Variants in KERA observed in about 807,000 individuals in gnomAD.
The protein encoded by KERA is keratocan.
KERA carries 25 observed loss-of-function variants against 26.4 expected under a neutral mutation model. The observed-to-expected ratio is 0.95, with a 90% confidence interval of 0.69 to 1.32. The LOEUF (loss-of-function observed/expected upper bound fraction) is 1.32. KERA is among the 40% of genes most tolerant of loss of function. The probability of loss-of-function intolerance (pLI) is 0.00; values close to 1 mark genes in which losing one functional copy is unlikely to be tolerated. For synonymous variants in KERA, 167 were observed against 146.1 expected (o/e 1.14, Z -1.03); for missense variants, 434 against 408.9 (o/e 1.06, Z -0.53).
At chr12:91,053,390 G>T (rs1249948938) in intron 2 of KERA, among the ~76,000 whole-genome samples, 2 of 151,210 alleles carry the variant, frequency 1.3e-5, no homozygotes, top group African/African-American at 4.8e-5. Context: ...TCAGACTCAG[G>T]TTCTGGCTAT....
At position 91,056,180 on chromosome 12, in the gene KERA, A is replaced by C. The variant is rs370775164; in HGVS notation, c.102T>G (p.Asp34Glu). 6.2e-7 allele frequency: 1 copy of C among 1,610,260 alleles called. No homozygotes were observed. Among genetic ancestry groups the C allele is most frequent in the Non-Finnish European group, 8.5e-7 (1 of 1,177,650 alleles). Residue 34 changes from aspartate (D) to glutamate (E), a missense_variant, in exon 2 of 3, where the codon GAT becomes GAG. Transcript: ENST00000266719. Reference sequence around the variant, plus strand: ...GACACTCGAAGTCATGAATAGTCCAATCATCTGAATCATGTACTTCATAGA... The same window carrying C: ...GACACTCGAAGTCATGAATAGTCCACTCATCTGAATCATGTACTTCATAGA... ...RQVYEVHDSD[D>E]WTIHDFECPM... is the part of the protein sequence containing the mutation.
At position 91,055,414 on chromosome 12, in the gene KERA, C is replaced by G; in HGVS notation, c.868G>C (p.Asp290His). ...TACTTACTTTTAATTTTGTTATGATCAAGGTGAAGGTGCTGCAGATGAGCA... is the reference window on the plus strand; with the variant it reads ...TACTTACTTTTAATTTTGTTATGATGAAGGTGAAGGTGCTGCAGATGAGCA... The part of the protein sequence containing the change: ...ISAHLQHLHL[D>H]HNKIKSVNVS... The change falls in exon 2 of 3, where the codon GAT (aspartate) becomes CAT (histidine). Residue 290 changes from aspartate (D) to histidine (H), a missense_variant. Asp to His is a moderately conservative substitution (Grantham distance 81, BLOSUM62 -1). Transcript: ENST00000266719. 6.2e-7 allele frequency: 1 copy of G among 1,610,060 alleles called. No homozygotes were observed. The highest frequency in any genetic ancestry group is 1.1e-5 in the South Asian group (1 of 90,966).
chr12:91,057,628 T>C lies in KERA; in HGVS notation c.-9+116A>G, dbSNP rs572416699. On this transcript the variant is annotated intron_variant, in intron 1 of 2. Coordinates refer to ENST00000266719, the MANE Select transcript of KERA (RefSeq NM_007035.4). ...TCCAACAAAGAAACATCATTTTTTT[T>C]TTTCTTTTTCAGAATAGGGTTTTGG... is the stretch of plus-strand genomic sequence containing the variant. 7 of 150,812 alleles carry C rather than the reference T, an allele frequency of 4.6e-5. No individual in the cohort carries two copies. In the East Asian group the frequency reaches 1.4e-3, roughly 29 times the overall value. 9.3% of individuals were successfully genotyped at this position (150,812 alleles called of 1,614,324 possible). A position where few individuals can be genotyped will look rare whatever the true frequency, so the allele number is the denominator to read the frequency against.
At chr12:91,054,429 GTCTAC>G (rs1878939886) in intron 2 of KERA, among the ~76,000 whole-genome samples, 1 of 151,216 alleles carries the variant, frequency 6.6e-6, no homozygotes, top group African/African-American at 2.4e-5. Context: ...TTTTTAAAGG[GTCTAC>G]TCTGAGTTTG....
chr12:91,055,539 T>G lies in KERA; in HGVS notation c.743A>C (p.Lys248Thr), dbSNP rs778409364. The change falls in exon 2 of 3, where the codon AAA becomes ACA. Residue 248 changes from lysine to threonine, a missense_variant. Physicochemically the swap from Lys to Thr is moderately conservative, Grantham distance 78. Transcript: ENST00000266719. ...TGATGGGAGACCCTCATCTGACAGT[T>G]TGTTGTGATTTAGTCTCAAAAAGGC... ...KVAFLRLNHNKLSDEGLPSRG... is the reference protein window; with the variant it reads ...KVAFLRLNHNTLSDEGLPSRG... The G allele has an allele frequency of 1.9e-6, 3 of 1,610,534 alleles. No homozygotes were observed. In the Admixed American group the frequency reaches 5.0e-5, roughly 27 times the overall value.
intron 1 of KERA, 115 bp from the exon 2 acceptor site, chr12:91,056,404 C>T (rs1391659243): frequency 2.5e-6 from 2 of 811,952 alleles, no homozygotes; most frequent in African/African-American, 3.4e-5. Context: ...GAAAATATGT[C>T]AACATTTCAT....
In KERA at chr12:91,051,198, C is replaced by T; in HGVS notation, c.*148G>A. ...TGATGCATGTAACTGGCAAAAGCAT[C>T]TTTGAATAGAAAAAATACACTGCAC... On this transcript the variant is annotated 3_prime_UTR_variant, in exon 3 of 3. Coordinates refer to ENST00000266719, the MANE Select transcript of KERA (RefSeq NM_007035.4). The T allele has an allele frequency of 1.5e-6, 1 of 689,456 alleles. No individual in the cohort carries two copies. Among genetic ancestry groups the T allele is most frequent in the Non-Finnish European group, 2.6e-6 (1 of 391,910 alleles). 42.7% of individuals were successfully genotyped at this position (689,456 alleles called of 1,614,324 possible).
At chr12:91,056,881 GT>G (rs1181427198) in intron 1 of KERA, among the ~76,000 whole-genome samples, 5 of 150,986 alleles carry the variant, frequency 3.3e-5, no homozygotes, top group Middle Eastern at 3.2e-3. Flanking sequence ...TCTCAAGTAA[GT>G]TTTTTGAGGG....
chr12:91,053,579 C>T (rs970463218), intron 2 of KERA, among the ~76,000 whole-genome samples: 7 of 151,300 alleles, frequency 4.6e-5, no homozygotes, highest in Non-Finnish European at 8.9e-5. Context: ...TGAGGCCCAA[C>T]CTCTGACCCA....
chr12:91,051,243 G>C lies in KERA; in HGVS notation c.*103C>G. 3.1e-6 allele frequency: 3 copies of C among 956,740 alleles called. No homozygotes were observed. The highest frequency in any genetic ancestry group is 5.0e-6 in the Non-Finnish European group (3 of 603,088). The allele number at this position is 956,740 out of a possible 1,614,324, so 59.3% of individuals were successfully genotyped here. A position where few individuals can be genotyped will look rare whatever the true frequency, so the allele number is the denominator to read the frequency against. On this transcript the variant is annotated 3_prime_UTR_variant, in exon 3 of 3. Coordinates refer to ENST00000266719, the MANE Select transcript of KERA (RefSeq NM_007035.4). ...CTGCACAAATGAAAATGGTGGCCGA[G>C]AGCAATGGGGAATATGACTTGTGTC...
At position 91,051,187 on chromosome 12, in the gene KERA, G is replaced by A; in HGVS notation, c.*159C>T. 1.6e-6 allele frequency: 1 copy of A among 643,998 alleles called. No individual in the cohort carries two copies. The highest frequency in any genetic ancestry group is 4.2e-4 in the Middle Eastern group (1 of 2,378). 39.9% of individuals were successfully genotyped at this position (643,998 alleles called of 1,614,324 possible). Reference sequence around the variant, plus strand: ...AATGCAGGCTGTGATGCATGTAACTGGCAAAAGCATCTTTGAATAGAAAAA... The same window carrying A: ...AATGCAGGCTGTGATGCATGTAACTAGCAAAAGCATCTTTGAATAGAAAAA... On this transcript the variant is annotated 3_prime_UTR_variant, in exon 3 of 3. Transcript: ENST00000266719.
intron 1 of KERA, among the ~76,000 whole-genome samples, chr12:91,056,551 A>C (rs540605650): frequency 7.3e-5 from 11 of 151,344 alleles, no homozygotes; most frequent in African/African-American, 2.4e-4. Flanking sequence ...TGGAAAGAAA[A>C]TTTTAGCAGC....
intron 1 of KERA, among the ~76,000 whole-genome samples, chr12:91,056,758 G>A (rs1341953594): frequency 6.6e-6 from 1 of 151,160 alleles, no homozygotes; most frequent in Non-Finnish European, 1.5e-5. Flanking sequence ...AGGCCTTTTG[G>A]CCCTTGAACC....
intron 2 of KERA, among the ~76,000 whole-genome samples, chr12:91,052,469 T>C (rs1233061014): frequency 6.6e-6 from 1 of 151,664 alleles, no homozygotes; most frequent in Non-Finnish European, 1.5e-5. Context: ...TATAGATTCA[T>C]ATTGTAGTGA....
chr12:91,056,238 G>A lies in KERA; in HGVS notation c.44C>T (p.Thr15Ile), dbSNP rs1487096220. 6.2e-7 allele frequency: 1 copy of A among 1,609,366 alleles called. No individual in the cohort carries two copies. Among genetic ancestry groups the A allele is most frequent in the Non-Finnish European group, 8.5e-7 (1 of 1,177,068 alleles). Residue 15 changes from threonine (T) to isoleucine (I), a missense_variant, in exon 2 of 3, where the codon ACA (threonine) becomes ATA (isoleucine). Coordinates refer to ENST00000266719, the MANE Select transcript of KERA (RefSeq NM_007035.4). ...ICFIMWVLFI[T>I]DTVWSRSVRQ... ...CACACTTCTAGACCACACAGTGTCT[G>A]TTATGAATAACACCCACATGATGAA...
rs1465789399 is a variant in KERA at position 91,050,754 on chromosome 12, A to G, written c.*592T>C. 1 of 153,192 alleles carries G rather than the reference A, an allele frequency of 6.5e-6. No homozygotes were observed. The highest frequency in any genetic ancestry group is 2.4e-5 in the African/African-American group (1 of 41,388). 9.5% of individuals were successfully genotyped at this position (153,192 alleles called of 1,614,324 possible). ...CAGCTACAAGAAATGGTAATGAACT[A>G]GAAGTGACTGCTGTTTCATTATTTG... On this transcript the variant is annotated 3_prime_UTR_variant, in exon 3 of 3. Transcript: ENST00000266719.
At position 91,052,187 on chromosome 12, in the gene KERA, G is replaced by A. The variant is rs1012106903; in HGVS notation, c.887-669C>T. On this transcript the variant is annotated intron_variant, in intron 2 of 2. Transcript: ENST00000266719. The stretch of plus-strand genomic sequence containing the variant: ...AGAACTCAAGCCAGAAAATATCCCA[G>A]CAGCCTTTTCATATGGTTAGGATGG... 3.3e-5 allele frequency among the ~76,000 whole-genome samples: 5 copies of A among 151,444 alleles called. No homozygotes were observed. The Admixed American group carries it at 3.3e-4, about 10-fold the overall frequency.
intron 2 of KERA, among the ~76,000 whole-genome samples, chr12:91,052,414 C>A (rs1878890999): frequency 6.6e-6 from 1 of 151,472 alleles, no homozygotes; most frequent in Non-Finnish European, 1.5e-5. Flanking sequence ...CTGATTAGAC[C>A]CACTGAACTT....
chr12:91,054,047 T>C (rs1878928913), intron 2 of KERA, among the ~76,000 whole-genome samples: 3 of 150,858 alleles, frequency 2.0e-5, no homozygotes, highest in South Asian at 2.1e-4. Context: ...TAACATTTTT[T>C]TTCTGTTGCA....
Sources: gnomAD v4.1 joint callset for allele counts (sites outside exome capture counted in the v4.1 genomes callset) on GRCh38, gnomAD v4.1.1 for gene constraint, MANE v1.5 for transcripts, NCBI Gene and HGNC (gene_info 2026-07-23, HGNC 2026-07-21) for gene names.